XKR4: variants seen among roughly 807,000 people sequenced by gnomAD.
XKR4 encodes the protein XK related 4.
A neutral mutation model predicts 53.9 loss-of-function variants in XKR4; 12 were observed. The ratio of observed to expected loss-of-function variants is 0.22; its 90% CI spans 0.14 to 0.36. The LOEUF is 0.36. Among genes scored for constraint, XKR4 ranks in the 10% least tolerant of loss-of-function variants. The pLI is 1.00. For synonymous variants in XKR4, 354 were observed against 362.4 expected (o/e 0.98, Z 0.26); for missense variants, 799 against 859.5 (o/e 0.93, Z 0.88).
intron 1 of XKR4, among the ~76,000 whole-genome samples, chr8:55,344,968 G>C (rs147386912): frequency 6.6e-6 from 1 of 152,318 alleles, no homozygotes; most frequent in East Asian, 1.9e-4. Flanking sequence ...ATAAAAAGGA[G>C]ACCAGGTGCA....
chr8:55,244,453 T>C (rs1490435706), intron 1 of XKR4, among the ~76,000 whole-genome samples: 1 of 152,254 alleles, frequency 6.6e-6, no homozygotes, highest in Admixed American at 6.5e-5. Flanking sequence ...ACATTTCCTT[T>C]ATTCAGTCTA....
Position 55,384,371 on chromosome 8 carries a change from T to A in XKR4, c.1006+26494T>A, listed in dbSNP as rs1804279611. On this transcript the variant is annotated intron_variant, in intron 2 of 2. Transcript: ENST00000327381. ...AGATAGCAAATGTGTTATTTATTTT[T>A]TATTATTTTATTGACTGTGTTTAAC... is the stretch of plus-strand genomic sequence containing the variant. 2.0e-5 allele frequency among the ~76,000 whole-genome samples: 3 copies of A among 152,246 alleles called. No homozygotes were observed. In the South Asian group the frequency reaches 6.2e-4, roughly 32 times the overall value.
At chr8:55,217,241 C>CAA (rs35294638) in intron 1 of XKR4, among the ~76,000 whole-genome samples, 5,168 of 105,958 alleles carry the variant, frequency 0.049, 447 homozygotes, top group African/African-American at 0.16. Context: ...GACTCTGTCT[C>CAA]AAAAAAAAAA....
chr8:55,265,189 TG>T (rs1384943095), intron 1 of XKR4, among the ~76,000 whole-genome samples: 16 of 152,332 alleles, frequency 1.1e-4, no homozygotes, highest in African/African-American at 3.8e-4. Context: ...ATCCCATTCC[TG>T]GTGAAGATGC....
chr8:55,464,026 C>T (rs1416847505), intron 2 of XKR4, among the ~76,000 whole-genome samples: 2 of 152,112 alleles, frequency 1.3e-5, no homozygotes, highest in Non-Finnish European at 1.5e-5. Flanking sequence ...GATGGATTCA[C>T]AGCAAAATTC....
intron 2 of XKR4, among the ~76,000 whole-genome samples, chr8:55,508,196 G>A (rs1445747188): frequency 6.6e-6 from 1 of 152,046 alleles, no homozygotes; most frequent in African/African-American, 2.4e-5. Flanking sequence ...GGTCAGGAAA[G>A]GAATGCACGT....
In XKR4 at chr8:55,342,977, T is replaced by A. The variant is rs372393959; in HGVS notation, c.807-14701T>A. On this transcript the variant is annotated intron_variant, in intron 1 of 2. Coordinates refer to ENST00000327381, the MANE Select transcript of XKR4 (RefSeq NM_052898.2). Reference sequence around the variant, plus strand: ...ATACTTGTTGAATGAAAGAGTAGAATGAATCAATTGTTTTAGTCAAAGGAG... The same window carrying A: ...ATACTTGTTGAATGAAAGAGTAGAAAGAATCAATTGTTTTAGTCAAAGGAG... 7.9e-5 allele frequency among the ~76,000 whole-genome samples: 12 copies of A among 152,352 alleles called. No individual in the cohort carries two copies. In the East Asian group the frequency reaches 2.3e-3, roughly 29 times the overall value.
At chr8:55,281,348 G>A (rs2129373891) in intron 1 of XKR4, among the ~76,000 whole-genome samples, 1 of 152,274 alleles carries the variant, frequency 6.6e-6, no homozygotes, top group East Asian at 1.9e-4. Context: ...CTTTAAGAGA[G>A]GTTGGTTTTG....
At chr8:55,396,191 A>C (rs1376043488) in intron 2 of XKR4, among the ~76,000 whole-genome samples, 1 of 152,176 alleles carries the variant, frequency 6.6e-6, no homozygotes, top group Non-Finnish European at 1.5e-5. Context: ...CCCTGATAAT[A>C]GTGCTGCTCA....
intron 1 of XKR4, among the ~76,000 whole-genome samples, chr8:55,307,706 A>C (rs1819324615): frequency 6.6e-6 from 1 of 152,122 alleles, no homozygotes; most frequent in Admixed American, 6.5e-5. Flanking sequence ...AAAATGTGCA[A>C]CATCTTCAGA....
chr8:55,195,142 AATTTT>A (rs1817487842), intron 1 of XKR4, among the ~76,000 whole-genome samples: 20 of 145,384 alleles, frequency 1.4e-4, no homozygotes, highest in African/African-American at 1.5e-4. Context: ...AGCAACAAAT[AATTTT>A]CACCGACAAG....
chr8:55,253,791 T>A (rs1239496556), intron 1 of XKR4, among the ~76,000 whole-genome samples: 1 of 149,852 alleles, frequency 6.7e-6, no homozygotes, highest in Non-Finnish European at 1.5e-5. Flanking sequence ...TGGGATGCAG[T>A]GGCATGATCA....
rs1806928829 is a variant in XKR4, at chr8:55,530,153, AAGGAAGGAAGGAAG to A, written c.*5927_*5940del. ...AGAGGGAGGGAAGGAAGAAGGAAGGAAGGAAGGAAGGAAGGAAGGAAGGAAGGAAGGAAGGAAGG... is the reference window on the plus strand; with the variant it reads ...AGAGGGAGGGAAGGAAGAAGGAAGGAGAAGGAAGGAAGGAAGGAAGGAAGG... On this transcript the variant is annotated 3_prime_UTR_variant, in exon 3 of 3. Coordinates refer to ENST00000327381, the MANE Select transcript of XKR4 (RefSeq NM_052898.2). 2 of 20,102 alleles carry A rather than the reference AAGGAAGGAAGGAAG, an allele frequency of 9.9e-5. No homozygotes were observed. Among genetic ancestry groups the A allele is most frequent in the Admixed American group, 4.9e-4 (1 of 2,030 alleles). The allele number at this position is 20,102 out of a possible 1,614,324, so 1.2% of individuals were successfully genotyped here.
At position 55,171,185 on chromosome 8, in the gene XKR4, A is replaced by G. The variant is rs1585918115; in HGVS notation, c.806+67891A>G. The stretch of plus-strand genomic sequence containing the variant: ...GTGAAGATGATTTTCAGTACCTACA[A>G]TCGAGAAAATAAAAATACATTTCTG... On this transcript the variant is annotated intron_variant, in intron 1 of 2. Coordinates refer to ENST00000327381, the MANE Select transcript of XKR4 (RefSeq NM_052898.2). 3.3e-5 allele frequency among the ~76,000 whole-genome samples: 5 copies of G among 152,222 alleles called. No homozygotes were observed. In the East Asian group the frequency reaches 7.7e-4, roughly 23 times the overall value.
At chr8:55,411,857 A>G (rs1218588153) in intron 2 of XKR4, among the ~76,000 whole-genome samples, 3 of 152,184 alleles carry the variant, frequency 2.0e-5, no homozygotes, top group Non-Finnish European at 4.4e-5. Flanking sequence ...GCAGCCACCC[A>G]TGAAGGACAG....
In XKR4 at chr8:55,454,900, T is replaced by C. The variant is rs568773089; in HGVS notation, c.1007-68381T>C. The C allele has an allele frequency of 2.2e-5, 17 of 767,608 alleles. No individual in the cohort carries two copies. The East Asian group carries it at 3.9e-4, about 18-fold the overall frequency. The allele number at this position is 767,608 out of a possible 1,614,324, so 47.5% of individuals were successfully genotyped here. A position where few individuals can be genotyped will look rare whatever the true frequency, so the allele number is the denominator to read the frequency against. On this transcript the variant is annotated intron_variant, in intron 2 of 2. Transcript: ENST00000327381. Reference sequence around the variant, plus strand: ...CGTGTCGTTTCCTGCTCCCAGAAGGTCAAGCAGCACAGTAGTGGCGCCCGG... The same window carrying C: ...CGTGTCGTTTCCTGCTCCCAGAAGGCCAAGCAGCACAGTAGTGGCGCCCGG...
At chr8:55,451,488 C>T (rs1409027018) in intron 2 of XKR4, 1 of 1,154,484 alleles carries the variant, frequency 8.7e-7, no homozygotes, top group African/African-American at 1.5e-5. Flanking sequence ...CTGCCTGGAA[C>T]TGGCCTGGAG....
intron 1 of XKR4, among the ~76,000 whole-genome samples, chr8:55,227,327 CCAGAT>C (rs1377374050): frequency 6.6e-6 from 1 of 152,234 alleles, no homozygotes; most frequent in Non-Finnish European, 1.5e-5. Flanking sequence ...GATACAATTT[CCAGAT>C]CATGGTTTCA....
chr8:55,402,665 C>G (rs1331373596), intron 2 of XKR4, among the ~76,000 whole-genome samples: 1 of 152,136 alleles, frequency 6.6e-6, no homozygotes, highest in Non-Finnish European at 1.5e-5. Context: ...AAATATGGAC[C>G]AGTGCATGTC....
Sources: allele counts gnomAD v4.1 joint callset (sites outside exome capture counted in the v4.1 genomes callset), GRCh38; gene constraint gnomAD v4.1.1; transcripts MANE v1.5; gene names NCBI Gene and HGNC (gene_info 2026-07-23, HGNC 2026-07-21).